Variants in ZNF334 observed in about 807,000 individuals in gnomAD.
ZNF334 encodes zinc finger protein 334.
Under a neutral mutation model 12.4 loss-of-function variants are expected in ZNF334, and 14 were observed. The ratio of observed to expected loss-of-function variants is 1.13; its 90% CI spans 0.74 to 1.76. ZNF334 has a LOEUF of 1.76. ZNF334 is among the 40% of genes most tolerant of loss of function. The probability of loss-of-function intolerance (pLI) is 0.00; values close to 1 mark genes in which losing one functional copy is unlikely to be tolerated. For synonymous variants in ZNF334, 273 were observed against 269.6 expected (o/e 1.01, Z -0.12); for missense variants, 797 against 804.5 (o/e 0.99, Z 0.11).
rs2061186366 is a variant in ZNF334 at position 46,501,793 on chromosome 20, G to C, written c.1546C>G (p.Leu516Val). Residue 516 changes from leucine to valine, a missense_variant, in exon 5 of 5, where the codon CTT (leucine) becomes GTT (valine). Transcript: ENST00000692313. ...TGCCCATGTTCACTACACTCATAAA[G>C]ATTCTCCTTTGTGTTCATTCTCTTA... ...QCKRMNTKEN[L>V]YECSEHGHAV... 6.2e-7 allele frequency: 1 copy of C among 1,614,128 alleles called. No homozygotes were observed. Among genetic ancestry groups the C allele is most frequent in the Non-Finnish European group, 8.5e-7 (1 of 1,180,010 alleles).
the ZNF334 span, among the ~76,000 whole-genome samples, chr20:46,476,632 T>C: frequency 6.6e-6 from 1 of 152,368 alleles, no homozygotes; most frequent in South Asian, 2.1e-4. Context: ...CTTTTTTATA[T>C]GTGCAGTCTC....
chr20:46,509,610 T>C (rs749682323), intron 2 of ZNF334: 3 of 702,994 alleles, frequency 4.3e-6, no homozygotes, highest in Non-Finnish European at 7.8e-6. Context: ...CCCACCTCCT[T>C]CTCATTTTCC....
intron 2 of ZNF334, among the ~76,000 whole-genome samples, chr20:46,507,178 G>C (rs969958000): frequency 2.7e-5 from 4 of 148,478 alleles, no homozygotes; most frequent in African/African-American, 1.0e-4. Flanking sequence ...AAAGAGGAAA[G>C]GAAAAGAAAG....
intron 2 of ZNF334, among the ~76,000 whole-genome samples, chr20:46,510,980 C>A (rs528058369): frequency 6.6e-6 from 1 of 151,018 alleles, no homozygotes; most frequent in South Asian, 2.1e-4. Context: ...TACCTCAGAG[C>A]ATAAAGACTC....
chr20:46,488,854 T>C, the ZNF334 span, among the ~76,000 whole-genome samples: 2 of 151,932 alleles, frequency 1.3e-5, no homozygotes, highest in Non-Finnish European at 2.9e-5. Flanking sequence ...TTATCTTTTA[T>C]GCTTGCAGTG....
the ZNF334 span, among the ~76,000 whole-genome samples, chr20:46,472,351 CAATA>C: frequency 6.6e-6 from 1 of 152,052 alleles, no homozygotes; most frequent in Non-Finnish European, 1.5e-5. Context: ...TAAACCATAT[CAATA>C]AATAAAATAC....
the ZNF334 span, among the ~76,000 whole-genome samples, chr20:46,470,833 C>A: frequency 6.6e-6 from 1 of 152,124 alleles, no homozygotes. Context: ...TATATGAGTA[C>A]ACTGCCATAT....
Position 46,500,172 on chromosome 20 carries a change from T to A in ZNF334, c.*1124A>T, listed in dbSNP as rs1294992128. On this transcript the variant is annotated 3_prime_UTR_variant, in exon 5 of 5. Coordinates refer to ENST00000692313, the MANE Select transcript of ZNF334 (RefSeq NM_001353824.2). ...GCAAACCCAGTTACCCATCACTATC[T>A]TACCAACTAGATAAGCCCACTTCCT... The A allele has an allele frequency of 6.6e-6, 1 of 152,158 alleles. No homozygotes were observed. Among genetic ancestry groups the A allele is most frequent in the African/African-American group, 2.4e-5 (1 of 41,432 alleles). 9.4% of individuals were successfully genotyped at this position (152,158 alleles called of 1,614,324 possible).
At chr20:46,509,014 T>C (rs1382036248) in intron 2 of ZNF334, among the ~76,000 whole-genome samples, 2 of 152,172 alleles carry the variant, frequency 1.3e-5, no homozygotes, top group Non-Finnish European at 1.5e-5. Context: ...CTATGTACAG[T>C]ATTTGAATCA....
the ZNF334 span, among the ~76,000 whole-genome samples, chr20:46,482,907 G>A: frequency 1.2e-4 from 19 of 152,152 alleles, no homozygotes; most frequent in Non-Finnish European, 2.8e-4. Context: ...TATGTTTGCA[G>A]TATTTCAGTG....
At chr20:46,475,985 T>G in the ZNF334 span, among the ~76,000 whole-genome samples, 1 of 152,186 alleles carries the variant, frequency 6.6e-6, no homozygotes, top group Non-Finnish European at 1.5e-5. Flanking sequence ...GTAGCTTCAT[T>G]TGTAATAGCC....
rs1404972186 is a variant in ZNF334 at position 46,502,942 on chromosome 20, G to A, written c.397C>T (p.Pro133Ser). 9 of 1,613,868 alleles carry A rather than the reference G, an allele frequency of 5.6e-6. No homozygotes were observed. Among genetic ancestry groups the A allele is most frequent in the South Asian group, 3.3e-5 (3 of 91,048 alleles). The change falls in exon 5 of 5, where the codon CCC becomes TCC. Residue 133 changes from proline to serine, a missense_variant. Pro to Ser is a moderately conservative substitution (Grantham distance 74). Coordinates refer to ENST00000692313, the MANE Select transcript of ZNF334 (RefSeq NM_001353824.2). The stretch of plus-strand genomic sequence containing the variant: ...TTTCCTCCTGGATTACATTTATAGG[G>A]CATTTTTCTTGAGGGAACACTATTC... ...GMNSVPSRKM[P>S]YKCNPGGNSL...
Position 46,502,786 on chromosome 20 carries a change from G to T in ZNF334, c.553C>A (p.Pro185Thr), listed in dbSNP as rs2061281140. The part of the protein sequence containing the change: ...HLGMKKYRYN[P>T]MRKASNQNEN... The stretch of plus-strand genomic sequence containing the variant: ...TTTTGATTGCTGGCTTTCCTCATTG[G>T]ATTGTATCTGTATTTTTTCATTCCC... Residue 185 changes from proline to threonine, a missense_variant, in exon 5 of 5, where the codon CCA becomes ACA. Physicochemically the swap from Pro to Thr is conservative, Grantham distance 38 (BLOSUM62 -1). Transcript: ENST00000692313. The T allele has an allele frequency of 6.2e-7, 1 of 1,613,742 alleles. No homozygotes were observed. Among genetic ancestry groups the T allele is most frequent in the Non-Finnish European group, 8.5e-7 (1 of 1,179,984 alleles).
chr20:46,509,230 C>T (rs1342041749), intron 2 of ZNF334, among the ~76,000 whole-genome samples: 1 of 151,962 alleles, frequency 6.6e-6, no homozygotes, highest in Non-Finnish European at 1.5e-5. Context: ...AAAAATTACA[C>T]AAGTAAGTTG....
downstream of ZNF334, among the ~76,000 whole-genome samples, chr20:46,495,768 G>A (rs1279447387): frequency 6.6e-6 from 1 of 151,780 alleles, no homozygotes; most frequent in African/African-American, 2.4e-5. Flanking sequence ...CCCTCTGGGA[G>A]TTGGATTCAG....
chr20:46,466,545 T>C, the ZNF334 span, among the ~76,000 whole-genome samples: 4 of 152,306 alleles, frequency 2.6e-5, no homozygotes, highest in Non-Finnish European at 5.9e-5. Flanking sequence ...GTGCAGTTGC[T>C]CCATCTAAGC....
rs763437357 is a variant in ZNF334, at chr20:46,502,317, C to G, written c.1022G>C (p.Arg341Thr). 6.2e-7 allele frequency: 1 copy of G among 1,614,008 alleles called. No individual in the cohort carries two copies. Among genetic ancestry groups the G allele is most frequent in the African/African-American group, 1.3e-5 (1 of 74,922 alleles). The change falls in exon 5 of 5, where the codon AGG becomes ACG. Residue 341 changes from arginine (R) to threonine (T), a missense_variant. Coordinates refer to ENST00000692313, the MANE Select transcript of ZNF334 (RefSeq NM_001353824.2). ...GTAAGGCTTCTCCCCTGTGTGTGACCTGAAATGTTCAGCCAGGGCTGACTT... is the reference window on the plus strand; with the variant it reads ...GTAAGGCTTCTCCCCTGTGTGTGACGTGAAATGTTCAGCCAGGGCTGACTT... The part of the protein sequence containing the change: ...FRKSALAEHF[R>T]SHTGEKPYEC...
chr20:46,469,368 TCC>T, the ZNF334 span, among the ~76,000 whole-genome samples: 4 of 140,448 alleles, frequency 2.8e-5, no homozygotes, highest in Admixed American at 1.4e-4. Flanking sequence ...AGCCCTATGC[TCC>T]TTTTTTTTTT....
At chr20:46,505,448 T>G (rs6017884) in intron 2 of ZNF334, 27,674 of 153,470 alleles carry the variant, frequency 0.18, 2,618 homozygotes, top group South Asian at 0.2. Flanking sequence ...GCTTAATTAT[T>G]TTTTCATTCT....
Sources: gnomAD v4.1 joint callset for allele counts (sites outside exome capture counted in the v4.1 genomes callset) on GRCh38, gnomAD v4.1.1 for gene constraint, MANE v1.5 for transcripts, NCBI Gene and HGNC (gene_info 2026-07-23, HGNC 2026-07-21) for gene names.